The following STAM variants were observed in gnomAD, a reference collection of about 807,000 sequenced individuals.
STAM encodes the protein signal transducing adapter molecule 1.
STAM carries 16 observed loss-of-function variants against 63.4 expected under a neutral mutation model. The observed-to-expected ratio is 0.25, with a 90% CI of 0.17 to 0.38. The LOEUF (loss-of-function observed/expected upper bound fraction) is 0.38. STAM is among the 10% of genes least tolerant of loss of function. The pLI, the probability that STAM is intolerant of heterozygous loss-of-function variation, is 1.00. For missense variants in STAM, 636 were observed against 657.1 expected (o/e 0.97, Z 0.35); for synonymous variants, 238 against 223.9 (o/e 1.06, Z -0.56).
chr10:17,694,201 T>C (rs1835661374), intron 6 of STAM, among the ~76,000 whole-genome samples: 1 of 152,190 alleles, frequency 6.6e-6, no homozygotes. Flanking sequence ...TTTTTGACCT[T>C]AAATTTGATA....
At chr10:17,707,951 C>T (rs1301357334) in intron 12 of STAM, among the ~76,000 whole-genome samples, 2 of 151,400 alleles carry the variant, frequency 1.3e-5, no homozygotes, top group Non-Finnish European at 2.9e-5. Context: ...AGTGCAGTGG[C>T]GCGATCTCAG....
chr10:17,682,158 C>T (rs1835114383), intron 2 of STAM, among the ~76,000 whole-genome samples: 1 of 152,178 alleles, frequency 6.6e-6, no homozygotes, highest in African/African-American at 2.4e-5. Context: ...AAAGTTCCTT[C>T]CACCTTATGC....
chr10:17,671,240 G>A (rs185023550), intron 2 of STAM, among the ~76,000 whole-genome samples: 1 of 152,288 alleles, frequency 6.6e-6, no homozygotes, highest in East Asian at 1.9e-4. Context: ...GTAAACCACA[G>A]TAAAGCTTTT....
rs781817529 is a variant in STAM, at chr10:17,704,483, A to T, written c.965A>T (p.Asp322Val). Residue 322 changes from aspartate (D) to valine (V), a missense_variant, in exon 10 of 14, where the codon GAT becomes GTT. Physicochemically the swap from Asp to Val is radical, Grantham distance 152. Coordinates refer to ENST00000377524, the MANE Select transcript of STAM (RefSeq NM_003473.4). ...CTGCAAAGTACAGACCCCAGTGATGATCAGCCAGACCTACCAGAGCTGCTT... is the reference window on the plus strand; with the variant it reads ...CTGCAAAGTACAGACCCCAGTGATGTTCAGCCAGACCTACCAGAGCTGCTT... ...QMLQSTDPSDDQPDLPELLHL... is the reference protein window; with the variant it reads ...QMLQSTDPSDVQPDLPELLHL... 3.7e-6 allele frequency: 6 copies of T among 1,614,136 alleles called. No individual in the cohort carries two copies. The South Asian group carries it at 6.6e-5, about 18-fold the overall frequency.
chr10:17,695,993 C>T (rs1010061554), intron 7 of STAM: 21 of 152,048 alleles, frequency 1.4e-4, no homozygotes, highest in African/African-American at 5.1e-4. Context: ...CTGTGTCCTC[C>T]CATGGCAGCA....
intron 2 of STAM, among the ~76,000 whole-genome samples, chr10:17,677,095 A>C (rs1490289651): frequency 2.6e-5 from 4 of 152,200 alleles, no homozygotes; most frequent in African/African-American, 9.6e-5. Flanking sequence ...TCAGCGCTTC[A>C]TTCTTACTGG....
At position 17,700,337 on chromosome 10, in the gene STAM, T is replaced by G. The variant is rs565047635; in HGVS notation, c.912+58T>G. 8.8e-6 allele frequency: 12 copies of G among 1,359,150 alleles called. No homozygotes were observed. In the South Asian group the frequency reaches 1.7e-4, roughly 19 times the overall value. The allele number at this position is 1,359,150 out of a possible 1,614,324, so 84.2% of individuals were successfully genotyped here. A position where few individuals can be genotyped will look rare whatever the true frequency, so the allele number is the denominator to read the frequency against. On this transcript the variant is annotated intron_variant, in intron 9 of 13. Coordinates refer to ENST00000377524, the MANE Select transcript of STAM (RefSeq NM_003473.4). The stretch of plus-strand genomic sequence containing the variant: ...CTTTGTATTGAAATTTAAATGGTTT[T>G]GCTTTAAGAAAAAATTGATTACTTG...
chr10:17,708,306 A>C (rs1836391486), intron 12 of STAM, among the ~76,000 whole-genome samples: 1 of 152,306 alleles, frequency 6.6e-6, no homozygotes, highest in African/African-American at 2.4e-5. Context: ...GGCCCTTTAC[A>C]AAAAAGTTTG....
At chr10:17,692,020 GC>G (rs778456861) in intron 5 of STAM, among the ~76,000 whole-genome samples, 4 of 152,120 alleles carry the variant, frequency 2.6e-5, no homozygotes, top group Non-Finnish European at 5.9e-5. Flanking sequence ...CCCTGAATGA[GC>G]CCATCTCATC....
At chr10:17,706,374 T>C (rs868955104) in intron 12 of STAM, among the ~76,000 whole-genome samples, 7,100 of 121,360 alleles carry the variant, frequency 0.059, 280 homozygotes, top group Middle Eastern at 0.11. Flanking sequence ...AGGCCCTTTT[T>C]TTTTTTTTTT....
chr10:17,663,543 T>A (rs530838698), intron 2 of STAM, among the ~76,000 whole-genome samples: 2 of 152,052 alleles, frequency 1.3e-5, no homozygotes, highest in Non-Finnish European at 2.9e-5. Flanking sequence ...CCTTTTCTTC[T>A]TCCTTCCCTC....
intron 1 of STAM, among the ~76,000 whole-genome samples, chr10:17,647,301 A>T (rs1397171855): frequency 6.6e-6 from 1 of 152,190 alleles, no homozygotes; most frequent in African/African-American, 2.4e-5. Flanking sequence ...GCCAAATCCA[A>T]TGGTCACTTT....
chr10:17,714,965 C>A lies in STAM; in HGVS notation c.*185C>A, dbSNP rs559214469. 2.7e-5 allele frequency: 16 copies of A among 601,162 alleles called. No individual in the cohort carries two copies. Among genetic ancestry groups the A allele is most frequent in the East Asian group, 5.7e-5 (2 of 35,338 alleles). 37.2% of individuals were successfully genotyped at this position (601,162 alleles called of 1,614,324 possible). A position where few individuals can be genotyped will look rare whatever the true frequency, so the allele number is the denominator to read the frequency against. ...CTGACTTTTTAGAGGTTCTTCCCCCCCCGCCCCTGCAGAGGAATGAAACTA... is the reference window on the plus strand; with the variant it reads ...CTGACTTTTTAGAGGTTCTTCCCCCACCGCCCCTGCAGAGGAATGAAACTA... On this transcript the variant is annotated 3_prime_UTR_variant, in exon 14 of 14. Coordinates refer to ENST00000377524, the MANE Select transcript of STAM (RefSeq NM_003473.4).
chr10:17,697,387 G>A (rs1011048387), intron 8 of STAM, among the ~76,000 whole-genome samples: 1 of 152,182 alleles, frequency 6.6e-6, no homozygotes, highest in Non-Finnish European at 1.5e-5. Flanking sequence ...CTTGTTCAAA[G>A]GTTGGGACCG....
Position 17,715,450 on chromosome 10 carries a change from A to C in STAM, c.*670A>C, listed in dbSNP as rs949276424. On this transcript the variant is annotated 3_prime_UTR_variant, in exon 14 of 14. Transcript: ENST00000377524. ...ACATGTCTTTCTGTAGCCTCTGCAT[A>C]CTACTGGCTGTCATCACACCAGCGT... 6.6e-6 allele frequency: 1 copy of C among 152,294 alleles called. No homozygotes were observed. The highest frequency in any genetic ancestry group is 1.5e-5 in the Non-Finnish European group (1 of 68,118). The allele number at this position is 152,294 out of a possible 1,614,324, so 9.4% of individuals were successfully genotyped here.
At chr10:17,696,903 T>A in intron 8 of STAM, 34 bp downstream of exon 8, 1 of 1,523,226 alleles carries the variant, frequency 6.6e-7, no homozygotes, top group Non-Finnish European at 9.1e-7. Flanking sequence ...TAAATGATGT[T>A]TTCTAATCCT....
At chr10:17,669,884 CT>C (rs76381388) in intron 2 of STAM, among the ~76,000 whole-genome samples, 7,018 of 120,714 alleles carry the variant, frequency 0.058, 153 homozygotes, top group East Asian at 0.15. Context: ...CTTTTCTTTT[CT>C]TTTTTTTTTT....
At chr10:17,699,487 T>C (rs1465348598) in intron 8 of STAM, among the ~76,000 whole-genome samples, 1 of 152,250 alleles carries the variant, frequency 6.6e-6, no homozygotes, top group African/African-American at 2.4e-5. Context: ...TTATGTTAAA[T>C]TGTTTTTAAA....
At chr10:17,665,282 ATAAAG>A (rs1191817273) in intron 2 of STAM, among the ~76,000 whole-genome samples, 3 of 152,156 alleles carry the variant, frequency 2.0e-5, no homozygotes, top group African/African-American at 4.8e-5. Context: ...TGTTGATTAT[ATAAAG>A]TATTTATTTC....
Sources: allele counts gnomAD v4.1 joint callset (sites outside exome capture counted in the v4.1 genomes callset), GRCh38; gene constraint gnomAD v4.1.1; transcripts MANE v1.5; gene names NCBI Gene and HGNC (gene_info 2026-07-23, HGNC 2026-07-21).